ENTPD1: variants seen among roughly 807,000 people sequenced by gnomAD.
ENTPD1 encodes ectonucleoside triphosphate diphosphohydrolase 1, also known as ATP diphosphohydrolase.
In ENTPD1, 33 loss-of-function variants were observed where a neutral mutation model predicts 57.0. That is an observed-to-expected ratio of 0.58 (90% CI 0.44 to 0.77). The LOEUF is 0.77. Ranked by LOEUF, ENTPD1 falls within the 30% of genes least tolerant of loss-of-function variation. The pLI is 0.00. For missense variants in ENTPD1, 501 were observed against 603.4 expected, an observed-to-expected ratio of 0.83 and a Z score of 1.78; for synonymous variants, 202 against 218.8, an observed-to-expected ratio of 0.92 and a Z score of 0.68.
upstream of ENTPD1, chr10:95,755,734 TC>T (rs1318700714): frequency 6.5e-7 from 1 of 1,537,236 alleles, no homozygotes; most frequent in Admixed American, 2.0e-5. Flanking sequence ...GAAGAACTGT[TC>T]TTGACTTTCA....
At chr10:95,827,116 G>A (rs1314434216) in intron 2 of ENTPD1, among the ~76,000 whole-genome samples, 8 of 152,072 alleles carry the variant, frequency 5.3e-5, no homozygotes, top group Admixed American at 5.2e-4. Flanking sequence ...TATAATTTAT[G>A]TGGCCCAATG....
chr10:95,805,228 C>G (rs1284045952), intron 1 of ENTPD1, among the ~76,000 whole-genome samples: 1 of 152,080 alleles, frequency 6.6e-6, no homozygotes, highest in Non-Finnish European at 1.5e-5. Flanking sequence ...GAATTGATCC[C>G]TTTATCATTA....
chr10:95,820,546 G>C (rs1005903901), intron 1 of ENTPD1, among the ~76,000 whole-genome samples: 5 of 152,150 alleles, frequency 3.3e-5, no homozygotes, highest in Non-Finnish European at 5.9e-5. Flanking sequence ...CCCACCTCTG[G>C]GTTCTTGCAG....
intron 1 of ENTPD1, among the ~76,000 whole-genome samples, chr10:95,778,600 A>T (rs2098143394): frequency 6.6e-6 from 1 of 152,204 alleles, no homozygotes; most frequent in African/African-American, 2.4e-5. Flanking sequence ...ATATGTCCTC[A>T]ACCTTATCTT....
chr10:95,757,695 A>G (rs1355351177), intron 1 of ENTPD1, among the ~76,000 whole-genome samples: 2 of 152,144 alleles, frequency 1.3e-5, no homozygotes, highest in Non-Finnish European at 2.9e-5. Flanking sequence ...CACCAGTCAC[A>G]GCTAGTTGTC....
At chr10:95,731,781 C>CTTTTTTTTTTTTTTTTTTTTTTTTTTT (rs34841311) in intron 1 of ENTPD1, among the ~76,000 whole-genome samples, 4 of 79,180 alleles carry the variant, frequency 5.1e-5, no homozygotes, top group African/African-American at 1.6e-4. Context: ...AGTGGACATC[C>CTTTTTTTTTTTTTTTTTTTTTTTTTTT]TTTTTTTTTT....
intron 2 of ENTPD1, among the ~76,000 whole-genome samples, chr10:95,824,237 A>G (rs2098365251): frequency 6.6e-6 from 1 of 152,280 alleles, no homozygotes; most frequent in Admixed American, 6.5e-5. Context: ...ATATGCATGT[A>G]TGTACACATG....
Position 95,776,920 on chromosome 10 carries a change from C to T in ENTPD1, c.16+20665C>T, listed in dbSNP as rs949697102. 2.6e-5 allele frequency among the ~76,000 whole-genome samples: 4 copies of T among 152,172 alleles called. No individual in the cohort carries two copies. The East Asian group carries it at 5.8e-4, about 22-fold the overall frequency. On this transcript the variant is annotated intron_variant, in intron 1 of 9. Coordinates refer to ENST00000371205, the MANE Select transcript of ENTPD1 (RefSeq NM_001776.6). ...ACTGATACCCTTTCTTCCATTTGAT[C>T]GAATTGGCTAATGAAGCTTGTGCAT...
chr10:95,850,477 ATGGTC>A (rs376053577), intron 7 of ENTPD1, among the ~76,000 whole-genome samples: 4 of 152,064 alleles, frequency 2.6e-5, no homozygotes, highest in African/African-American at 9.7e-5. Flanking sequence ...ACAAGCAGTG[ATGGTC>A]TGGGAAATGT....
intron 1 of ENTPD1, among the ~76,000 whole-genome samples, chr10:95,796,283 T>G (rs1224205886): frequency 6.6e-6 from 1 of 152,152 alleles, no homozygotes; most frequent in African/African-American, 2.4e-5. Flanking sequence ...ATTATAGCAT[T>G]GTGAGAAGGG....
intron 2 of ENTPD1, among the ~76,000 whole-genome samples, chr10:95,825,583 T>C (rs759227134): frequency 6.6e-6 from 1 of 152,186 alleles, no homozygotes; most frequent in East Asian, 1.9e-4. Flanking sequence ...GGGTTTTTGT[T>C]TGTTTCTTTT....
chr10:95,815,523 A>T (rs2098326993), intron 1 of ENTPD1, among the ~76,000 whole-genome samples: 1 of 152,152 alleles, frequency 6.6e-6, no homozygotes. Flanking sequence ...GGATAATGAG[A>T]TTGGCTACCA....
chr10:95,848,838 A>G (rs2098440133), intron 7 of ENTPD1, among the ~76,000 whole-genome samples: 1 of 152,222 alleles, frequency 6.6e-6, no homozygotes, highest in Non-Finnish European at 1.5e-5. Context: ...ATTATTGTTT[A>G]TCACCTGAGG....
At chr10:95,761,158 A>C (rs1251682574) in intron 1 of ENTPD1, among the ~76,000 whole-genome samples, 1 of 151,992 alleles carries the variant, frequency 6.6e-6, no homozygotes, top group Non-Finnish European at 1.5e-5. Context: ...AGTACTTCGG[A>C]GGAAGGCCAA....
chr10:95,874,790 C>T lies in ENTPD1; in HGVS notation c.*8407C>T, dbSNP rs1017638912. On this transcript the variant is annotated 3_prime_UTR_variant, in exon 10 of 10. Transcript: ENST00000371205. ...GAAATCTAGGCAGAGGTTCCCAAAT[C>T]TCAATTCTTGACATCTCTGCACCCA... is the stretch of plus-strand genomic sequence containing the variant. Among the ~76,000 whole-genome samples the T allele has an allele frequency of 6.6e-6, 1 of 152,254 alleles. No homozygotes were observed. The highest frequency in any genetic ancestry group is 2.4e-5 in the African/African-American group (1 of 41,468).
chr10:95,729,347 T>A (rs1423443385), intron 1 of ENTPD1, among the ~76,000 whole-genome samples: 1 of 152,206 alleles, frequency 6.6e-6, no homozygotes, highest in East Asian at 1.9e-4. Context: ...TTTAACTTTA[T>A]TGGGAAGGAG....
chr10:95,842,743 A>G (rs1590114225), intron 4 of ENTPD1, among the ~76,000 whole-genome samples: 1 of 152,096 alleles, frequency 6.6e-6, no homozygotes. Flanking sequence ...TTCAAAGGGG[A>G]AGGGGCACAG....
At chr10:95,705,858 A>T in the ENTPD1 span, among the ~76,000 whole-genome samples, 1 of 152,224 alleles carries the variant, frequency 6.6e-6, no homozygotes, top group Non-Finnish European at 1.5e-5. Context: ...GCACTTTGGG[A>T]GTCCAAGGTG....
rs1436704815 is a variant in ENTPD1, at chr10:95,868,440, C to CATACCCCTGGCTTCCT, written c.*2059_*2074dup. On this transcript the variant is annotated 3_prime_UTR_variant, in exon 10 of 10. Coordinates refer to ENST00000371205, the MANE Select transcript of ENTPD1 (RefSeq NM_001776.6). ...GCATATGATGCTAATCAGTGGTTCC[C>CATACCCCTGGCTTCCT]ATACCCCTGGCTTCCTAATTTTAAT... 2 of 985,412 alleles carry CATACCCCTGGCTTCCT rather than the reference C, an allele frequency of 2.0e-6. No homozygotes were observed. The highest frequency in any genetic ancestry group is 2.3e-4 in the East Asian group (2 of 8,818). 61.0% of individuals were successfully genotyped at this position (985,412 alleles called of 1,614,324 possible).
Sources: gnomAD v4.1 joint callset for allele counts (sites outside exome capture counted in the v4.1 genomes callset) on GRCh38, gnomAD v4.1.1 for gene constraint, MANE v1.5 for transcripts, NCBI Gene and HGNC (gene_info 2026-07-23, HGNC 2026-07-21) for gene names.